The following ZNF717 variants were observed in gnomAD, a reference collection of about 807,000 sequenced individuals.
ZNF717 encodes the protein krueppel-like factor X17.
Under a neutral mutation model 13.8 loss-of-function variants are expected in ZNF717, and 9 were observed. That is an observed-to-expected ratio of 0.65 (90% confidence interval 0.39 to 1.14). The LOEUF (loss-of-function observed/expected upper bound fraction) is 1.14. Ranked by LOEUF, ZNF717 falls within the 50% of genes most tolerant of loss-of-function variation. The pLI, the probability that ZNF717 is intolerant of heterozygous loss-of-function variation, is 0.01. For missense variants in ZNF717, 1,040 were observed against 1,080.7 expected, an observed-to-expected ratio of 0.96 and a Z score of 0.53; for synonymous variants, 327 against 364.1, an observed-to-expected ratio of 0.90 and a Z score of 1.16.
intron 2 of ZNF717, among the ~76,000 whole-genome samples, chr3:75,751,337 A>T (rs1260193519): frequency 6.6e-5 from 10 of 151,660 alleles, no homozygotes; most frequent in Admixed American, 1.3e-4. Flanking sequence ...AGGATTCCAG[A>T]GCACTGCTAG....
At chr3:75,767,178 C>A (rs575834283) in intron 2 of ZNF717, among the ~76,000 whole-genome samples, 5 of 152,244 alleles carry the variant, frequency 3.3e-5, no homozygotes, top group Non-Finnish European at 5.9e-5. Flanking sequence ...ATGATGGAAA[C>A]CATACGGCCA....
chr3:75,763,788 A>C (rs951570554), intron 2 of ZNF717, among the ~76,000 whole-genome samples: 1 of 152,278 alleles, frequency 6.6e-6, no homozygotes, highest in Non-Finnish European at 1.5e-5. Context: ...AAAACAATCA[A>C]ACCAGTTAAT....
intron 2 of ZNF717, among the ~76,000 whole-genome samples, chr3:75,750,232 C>G (rs1575825636): frequency 6.6e-6 from 1 of 151,898 alleles, no homozygotes; most frequent in East Asian, 1.9e-4. Flanking sequence ...ACATAGGATT[C>G]CAGAACACTG....
chr3:75,784,026 G>A (rs895975647), intron 1 of ZNF717, among the ~76,000 whole-genome samples: 2 of 152,174 alleles, frequency 1.3e-5, no homozygotes, highest in East Asian at 1.9e-4. Flanking sequence ...AAAATGTGAT[G>A]CAAATATCCA....
At chr3:75,778,721 A>G (rs1382841503) in intron 2 of ZNF717, among the ~76,000 whole-genome samples, 2 of 151,740 alleles carry the variant, frequency 1.3e-5, no homozygotes, top group Non-Finnish European at 2.9e-5. Flanking sequence ...AACCCAAAAC[A>G]ATGTGAGTGA....
intron 2 of ZNF717, among the ~76,000 whole-genome samples, chr3:75,759,969 A>G (rs183241648): frequency 4.5e-4 from 68 of 152,228 alleles, no homozygotes; most frequent in African/African-American, 1.6e-3. Context: ...TGCTGTGTCA[A>G]TACACTTAGG....
chr3:75,784,753 T>C (rs1325840021), intron 1 of ZNF717: 9 of 152,360 alleles, frequency 5.9e-5, no homozygotes, highest in South Asian at 4.1e-4. Flanking sequence ...AGAATTAATA[T>C]TTCCCGAGCG....
exon 6 of ZNF717, chr3:75,730,510 G>A: frequency 1.6e-6 from 1 of 622,760 alleles, no homozygotes; most frequent in Non-Finnish European, 2.8e-6. Flanking sequence ...ATGGCCAGAA[G>A]TGATACAGAC....
intron 2 of ZNF717, among the ~76,000 whole-genome samples, chr3:75,766,955 T>C (rs531006774): frequency 2.8e-4 from 43 of 152,364 alleles, no homozygotes; most frequent in Non-Finnish European, 5.0e-4. Context: ...AAAAATCACA[T>C]TTCTGGTAGA....
chr3:75,700,704 A>C (rs1475165978), intron 6 of ZNF717, among the ~76,000 whole-genome samples: 2 of 152,312 alleles, frequency 1.3e-5, no homozygotes, highest in African/African-American at 4.8e-5. Flanking sequence ...CAGGTTTTGT[A>C]ATCAATAGGG....
chr3:75,753,547 G>A (rs114026707), intron 2 of ZNF717, among the ~76,000 whole-genome samples: 8 of 76,100 alleles, frequency 1.1e-4, no homozygotes, highest in Non-Finnish European at 1.7e-4. Context: ...TTTTGAATGT[G>A]TGTCCCTCAC....
At chr3:75,768,087 C>T (rs1220865377) in intron 2 of ZNF717, among the ~76,000 whole-genome samples, 1 of 152,220 alleles carries the variant, frequency 6.6e-6, no homozygotes, top group Non-Finnish European at 1.5e-5. Flanking sequence ...GGGACCAGGA[C>T]TGGGCACTAA....
At chr3:75,753,307 T>C (rs1942093983) in intron 2 of ZNF717, among the ~76,000 whole-genome samples, 1 of 151,292 alleles carries the variant, frequency 6.6e-6, no homozygotes, top group South Asian at 2.1e-4. Flanking sequence ...TTCTGAATGT[T>C]TGTCCCTCAC....
chr3:75,712,257 T>A (rs1326303206), intron 5 of ZNF717, among the ~76,000 whole-genome samples: 2 of 152,380 alleles, frequency 1.3e-5, no homozygotes, highest in African/African-American at 4.8e-5. Context: ...AAATGGAAAT[T>A]GTCTGTAGTT....
At chr3:75,723,228 TTTTC>T (rs1938202837) in intron 4 of ZNF717, among the ~76,000 whole-genome samples, 1 of 151,468 alleles carries the variant, frequency 6.6e-6, no homozygotes, top group Non-Finnish European at 1.5e-5. Context: ...GCTCAGTTAT[TTTTC>T]TTTAAGACAA....
At position 75,714,900 on chromosome 3, in the gene ZNF717, A is replaced by G. The variant is rs1419359713; in HGVS notation, n.667+1519T>C. On this transcript the variant is annotated intron_variant and non_coding_transcript_variant, in intron 5 of 5. Transcript: ENST00000491507. Reference sequence around the variant, plus strand: ...AGATTTTACCATGTAGACAAAACATATAACAAAATACATGTGTATATGCAC... The same window carrying G: ...AGATTTTACCATGTAGACAAAACATGTAACAAAATACATGTGTATATGCAC... Among the ~76,000 whole-genome samples, 9 of 152,352 alleles carry G rather than the reference A, an allele frequency of 5.9e-5. No individual in the cohort carries two copies. The East Asian group carries it at 1.3e-3, about 23-fold the overall frequency.
At position 75,757,696 on chromosome 3, in the gene ZNF717, G is replaced by A. The variant is rs111243218; in HGVS notation, c.58-15960C>T. ...AATATATTTCATAAAGCTATAGCTT[G>A]TCTAGAAAGTGATTCCTTTGATGGA... is the stretch of plus-strand genomic sequence containing the variant. On this transcript the variant is annotated intron_variant, in intron 2 of 4. Transcript: ENST00000652011. 2.0e-5 allele frequency among the ~76,000 whole-genome samples: 3 copies of A among 151,778 alleles called. No individual in the cohort carries two copies. In the East Asian group the frequency reaches 5.8e-4, roughly 29 times the overall value.
At chr3:75,782,093 TTCTC>T (rs1394473141) in intron 2 of ZNF717, among the ~76,000 whole-genome samples, 6 of 152,148 alleles carry the variant, frequency 3.9e-5, no homozygotes, top group African/African-American at 7.2e-5. Context: ...AGTGTGGCGT[TTCTC>T]TCTAACTCGC....
chr3:75,772,082 T>G (rs1943938060), intron 2 of ZNF717, among the ~76,000 whole-genome samples: 1 of 152,246 alleles, frequency 6.6e-6, no homozygotes, highest in Admixed American at 6.5e-5. Context: ...AGCACTGGCC[T>G]GCAGGCACTC....
Sources: gnomAD v4.1 joint callset for allele counts (sites outside exome capture counted in the v4.1 genomes callset) on GRCh38, gnomAD v4.1.1 for gene constraint, MANE v1.5 for transcripts, NCBI Gene and HGNC (gene_info 2026-07-23, HGNC 2026-07-21) for gene names.